The following CREBBP variants were observed in gnomAD, a reference collection of about 807,000 sequenced individuals.
CREBBP encodes CREB binding lysine acetyltransferase.
Under a neutral mutation model 265.0 loss-of-function variants are expected in CREBBP, and 19 were observed. The observed-to-expected ratio is 0.07, with a 90% CI of 0.05 to 0.11. The LOEUF is 0.11. Among genes scored for constraint, CREBBP ranks in the 10% least tolerant of loss-of-function variants. The probability of loss-of-function intolerance (pLI) is 1.00; values close to 1 mark genes in which losing one functional copy is unlikely to be tolerated. For missense variants in CREBBP, 2,525 were observed against 3,219.0 expected (o/e 0.78, Z 5.22); for synonymous variants, 1,457 against 1,223.7 (o/e 1.19, Z -3.98).
At chr16:3,878,828 T>C (rs1323419288) in intron 1 of CREBBP, among the ~76,000 whole-genome samples, 1 of 152,198 alleles carries the variant, frequency 6.6e-6, no homozygotes, top group African/African-American at 2.4e-5. Context: ...AAAGAGGAAA[T>C]ACAACTAGTT....
intron 1 of CREBBP, among the ~76,000 whole-genome samples, chr16:3,859,111 T>C (rs2055021133): frequency 6.6e-6 from 1 of 152,224 alleles, no homozygotes. Flanking sequence ...TTTGTAATAC[T>C]GTGACTATGT....
intron 2 of CREBBP, among the ~76,000 whole-genome samples, chr16:3,819,904 GC>G (rs2054109395): frequency 6.6e-6 from 1 of 152,164 alleles, no homozygotes; most frequent in Admixed American, 6.5e-5. Flanking sequence ...TCATAAGCCA[GC>G]CACGACACAG....
chr16:3,796,607 G>A (rs891129875), intron 3 of CREBBP, among the ~76,000 whole-genome samples: 1 of 151,988 alleles, frequency 6.6e-6, no homozygotes, highest in East Asian at 1.9e-4. Flanking sequence ...AGCTGGTCTT[G>A]AACTCCTGAC....
At chr16:3,845,747 TGTG>T (rs1309526548) in intron 2 of CREBBP, among the ~76,000 whole-genome samples, 1 of 151,842 alleles carries the variant, frequency 6.6e-6, no homozygotes, top group African/African-American at 2.4e-5. Flanking sequence ...ATTAGTCAGT[TGTG>T]GTGATGCGCG....
chr16:3,761,740 C>T (rs947336534), intron 16 of CREBBP, among the ~76,000 whole-genome samples: 5 of 152,240 alleles, frequency 3.3e-5, no homozygotes, highest in Admixed American at 1.3e-4. Flanking sequence ...AGGGTGCAGA[C>T]GTGCCCTTCA....
chr16:3,878,360 T>G (rs1469132759), intron 1 of CREBBP, among the ~76,000 whole-genome samples: 1 of 152,236 alleles, frequency 6.6e-6, no homozygotes, highest in African/African-American at 2.4e-5. Context: ...CAAACTCAAC[T>G]TTTATCAGCT....
chr16:3,824,679 C>T lies in CREBBP; in HGVS notation c.799-13900G>A, dbSNP rs572863272. Among the ~76,000 whole-genome samples, 148 of 152,340 alleles carry T rather than the reference C, an allele frequency of 9.7e-4. 3 individuals are homozygous for T. In the South Asian group the frequency reaches 0.012, roughly 13 times the overall value. ...GCCTTTGCCTCACCGAGCCCACACG[C>T]GGCGGCAGCAGCACGCCTAGGCTGA... On this transcript the variant is annotated intron_variant, in intron 2 of 30. Coordinates refer to ENST00000262367, the MANE Select transcript of CREBBP (RefSeq NM_004380.3).
At chr16:3,793,692 A>G in intron 3 of CREBBP, 66 bp from the exon 4 acceptor site, 1 of 1,564,690 alleles carries the variant, frequency 6.4e-7, no homozygotes. Flanking sequence ...TTCATTAATT[A>G]TTTCTCAAAC....
intron 3 of CREBBP, among the ~76,000 whole-genome samples, chr16:3,804,492 G>C (rs2053789576): frequency 6.6e-6 from 1 of 152,198 alleles, no homozygotes; most frequent in African/African-American, 2.4e-5. Context: ...GGTGATTTGG[G>C]CTGTGCAGAG....
intron 2 of CREBBP, among the ~76,000 whole-genome samples, chr16:3,821,200 C>A: frequency 6.6e-6 from 1 of 152,192 alleles, no homozygotes; most frequent in East Asian, 1.9e-4. Flanking sequence ...TTCTAAAAAT[C>A]TGATGACATT....
At chr16:3,810,913 A>T in intron 2 of CREBBP, 134 bp from the exon 3 acceptor site, 1 of 885,484 alleles carries the variant, frequency 1.1e-6, no homozygotes, top group African/African-American at 1.7e-5. Context: ...TCAGGTTCAC[A>T]TGCTCCAAGC....
At chr16:3,808,358 G>T (rs1004247980) in intron 3 of CREBBP, among the ~76,000 whole-genome samples, 3 of 152,196 alleles carry the variant, frequency 2.0e-5, no homozygotes, top group Non-Finnish European at 2.9e-5. Context: ...AGCCATTTTT[G>T]ATTATCATGG....
At chr16:3,859,441 G>A (rs1016754201) in intron 1 of CREBBP, among the ~76,000 whole-genome samples, 9 of 152,092 alleles carry the variant, frequency 5.9e-5, no homozygotes, top group South Asian at 2.1e-4. Flanking sequence ...TGATCCATCC[G>A]CCTCGGCCTC....
In CREBBP at chr16:3,726,868, G is replaced by C. The variant is rs1370862031; in HGVS notation, c.*850C>G. 8.6e-6 allele frequency: 2 copies of C among 233,344 alleles called. No homozygotes were observed. The highest frequency in any genetic ancestry group is 1.7e-5 in the Non-Finnish European group (2 of 117,998). 14.5% of individuals were successfully genotyped at this position (233,344 alleles called of 1,614,324 possible). The stretch of plus-strand genomic sequence containing the variant: ...AACAATATGATATAAGAAATGAGTT[G>C]GTATTTTACCATTCTATACAGTGAT... On this transcript the variant is annotated 3_prime_UTR_variant, in exon 31 of 31. Transcript: ENST00000262367.
intron 1 of CREBBP, among the ~76,000 whole-genome samples, chr16:3,866,055 C>T (rs1417978225): frequency 1.3e-5 from 2 of 152,078 alleles, no homozygotes; most frequent in African/African-American, 4.8e-5. Context: ...CAGTTAGGGT[C>T]CTTATGATTT....
intron 28 of CREBBP, among the ~76,000 whole-genome samples, chr16:3,735,682 T>C (rs1235837902): frequency 6.6e-6 from 1 of 152,154 alleles, no homozygotes; most frequent in East Asian, 1.9e-4. Context: ...ATGAGCATCA[T>C]GTGCAGAGTG....
At chr16:3,806,445 G>T (rs2053831897) in intron 3 of CREBBP, among the ~76,000 whole-genome samples, 2 of 149,070 alleles carry the variant, frequency 1.3e-5, no homozygotes, top group Non-Finnish European at 1.5e-5. Flanking sequence ...TCTCCATAAC[G>T]CAGTTCTTAA....
rs549962255 is a variant in CREBBP, at chr16:3,795,277, A to G, written c.976-1651T>C. On this transcript the variant is annotated intron_variant, in intron 3 of 30. Transcript: ENST00000262367. The stretch of plus-strand genomic sequence containing the variant: ...CCTGATTATAAAAGTATATATATAC[A>G]CTGCAGGAAATTTGGAAAGCTAGAG... Among the ~76,000 whole-genome samples, 194 of 152,340 alleles carry G rather than the reference A, an allele frequency of 1.3e-3. 1 individual carries two copies. The highest frequency in any genetic ancestry group is 4.5e-3 in the African/African-American group (187 of 41,572).
intron 5 of CREBBP, among the ~76,000 whole-genome samples, chr16:3,791,438 A>C (rs1273589740): frequency 6.6e-6 from 1 of 152,178 alleles, no homozygotes; most frequent in Non-Finnish European, 1.5e-5. Flanking sequence ...ACGTTTAGTT[A>C]TACAAAGAGT....
Sources: allele counts gnomAD v4.1 joint callset (sites outside exome capture counted in the v4.1 genomes callset), GRCh38; gene constraint gnomAD v4.1.1; transcripts MANE v1.5; gene names NCBI Gene and HGNC (gene_info 2026-07-23, HGNC 2026-07-21).